The following SGCZ variants were observed in gnomAD, a reference collection of about 807,000 sequenced individuals.
SGCZ encodes zeta-sarcoglycan.
SGCZ carries 40 observed loss-of-function variants against 41.3 expected under a neutral mutation model. The observed-to-expected ratio is 0.97, with a 90% confidence interval of 0.75 to 1.26. The LOEUF is 1.26. SGCZ is among the 50% of genes most tolerant of loss of function. The pLI, the probability that SGCZ is intolerant of heterozygous loss-of-function variation, is 0.00. For synonymous variants in SGCZ, 206 were observed against 137.5 expected, an observed-to-expected ratio of 1.50 and a Z score of -3.49; for missense variants, 552 against 369.8, an observed-to-expected ratio of 1.49 and a Z score of -4.04.
chr8:14,134,727 G>T (rs1340942545), intron 5 of SGCZ, among the ~76,000 whole-genome samples: 4 of 152,106 alleles, frequency 2.6e-5, no homozygotes, highest in South Asian at 2.1e-4. Flanking sequence ...CTGCCGCAAA[G>T]ACTTCGTTTT....
At chr8:14,508,088 G>C (rs1187739825) in intron 2 of SGCZ, among the ~76,000 whole-genome samples, 1 of 151,918 alleles carries the variant, frequency 6.6e-6, no homozygotes, top group Non-Finnish European at 1.5e-5. Context: ...CTTTCTTCGT[G>C]AGATCTACCC....
At chr8:15,237,544 G>T in intron 1 of SGCZ, 41 bp downstream of exon 1, 2 of 1,576,198 alleles carry the variant, frequency 1.3e-6, no homozygotes, top group African/African-American at 1.3e-5. Context: ...AGCAGGGAGC[G>T]CCGAGAAGCG....
intron 1 of SGCZ, among the ~76,000 whole-genome samples, chr8:14,563,486 G>T (rs903955426): frequency 3.9e-5 from 6 of 152,060 alleles, no homozygotes. Flanking sequence ...CTATATTAAG[G>T]GTCTAAATAC....
At position 14,472,316 on chromosome 8, in the gene SGCZ, T is replaced by C. The variant is rs547269707; in HGVS notation, c.234+82416A>G. On this transcript the variant is annotated intron_variant, in intron 2 of 7. Coordinates refer to ENST00000382080, the MANE Select transcript of SGCZ (RefSeq NM_139167.4). ...GCTTATATTTTATTTAAGAAAGCTG[T>C]TTGTTCATGGTTTTAACTAGATTGA... Among the ~76,000 whole-genome samples, 59 of 152,240 alleles carry C rather than the reference T, an allele frequency of 3.9e-4. 1 individual carries two copies. Among genetic ancestry groups the C allele is most frequent in the African/African-American group, 1.3e-3 (56 of 41,584 alleles).
intron 1 of SGCZ, among the ~76,000 whole-genome samples, chr8:14,643,089 C>G (rs1018706813): frequency 2.0e-5 from 3 of 151,542 alleles, no homozygotes; most frequent in Non-Finnish European, 4.4e-5. Context: ...ATATTTTCTT[C>G]TCCTTCTACC....
intron 1 of SGCZ, among the ~76,000 whole-genome samples, chr8:14,807,791 G>A (rs535591690): frequency 2.0e-5 from 3 of 152,204 alleles, no homozygotes; most frequent in African/African-American, 4.8e-5. Context: ...TAAGCCAAAA[G>A]AACAAAGCTG....
chr8:14,446,211 T>C (rs565653499), intron 2 of SGCZ, among the ~76,000 whole-genome samples: 1 of 152,290 alleles, frequency 6.6e-6, no homozygotes, highest in South Asian at 2.1e-4. Context: ...GCCTGCTGTA[T>C]CCCTAAGACC....
At chr8:14,217,387 A>G (rs1227328529) in intron 4 of SGCZ, among the ~76,000 whole-genome samples, 1 of 151,900 alleles carries the variant, frequency 6.6e-6, no homozygotes, top group African/African-American at 2.4e-5. Context: ...GGTTAAATCT[A>G]AAGAAACGCC....
intron 1 of SGCZ, among the ~76,000 whole-genome samples, chr8:14,817,349 A>G (rs1801939056): frequency 6.6e-6 from 1 of 152,070 alleles, no homozygotes; most frequent in African/African-American, 2.4e-5. Flanking sequence ...AATACAAGCA[A>G]TCTTTACTAT....
intron 1 of SGCZ, among the ~76,000 whole-genome samples, chr8:14,691,878 G>C (rs74723412): frequency 6.6e-6 from 1 of 151,800 alleles, no homozygotes; most frequent in African/African-American, 2.4e-5. Flanking sequence ...TAACTGTTTT[G>C]TGAGAAAATA....
intron 1 of SGCZ, among the ~76,000 whole-genome samples, chr8:14,736,128 C>T (rs1799021202): frequency 6.6e-6 from 1 of 151,940 alleles, no homozygotes; most frequent in Admixed American, 6.6e-5. Context: ...AATATTTTTC[C>T]AAATCATGCT....
intron 1 of SGCZ, among the ~76,000 whole-genome samples, chr8:14,676,735 T>G (rs1396014362): frequency 6.6e-6 from 1 of 152,144 alleles, no homozygotes; most frequent in Non-Finnish European, 1.5e-5. Context: ...TATCAACAGA[T>G]GCAGAAAAGA....
chr8:14,997,319 A>C (rs1260477558), intron 1 of SGCZ, among the ~76,000 whole-genome samples: 1 of 152,206 alleles, frequency 6.6e-6, no homozygotes, highest in Non-Finnish European at 1.5e-5. Context: ...TTATTCTTGC[A>C]AAGGACTGAA....
At chr8:14,549,858 A>T (rs1026894416) in intron 2 of SGCZ, among the ~76,000 whole-genome samples, 5 of 152,128 alleles carry the variant, frequency 3.3e-5, no homozygotes, top group Non-Finnish European at 7.4e-5. Context: ...AGGTGATCAG[A>T]TTTGTAGCTT....
intron 3 of SGCZ, among the ~76,000 whole-genome samples, chr8:14,283,040 G>A (rs1585317243): frequency 6.6e-6 from 1 of 150,648 alleles, no homozygotes; most frequent in African/African-American, 2.4e-5. Flanking sequence ...TAGTAGAGAC[G>A]GGGTTTCACC....
intron 1 of SGCZ, among the ~76,000 whole-genome samples, chr8:14,744,247 C>A (rs1417245033): frequency 6.6e-6 from 1 of 152,166 alleles, no homozygotes; most frequent in Non-Finnish European, 1.5e-5. Flanking sequence ...GAGCTACGTG[C>A]ACTGCACAAT....
At chr8:14,335,151 A>G (rs908698727) in intron 2 of SGCZ, among the ~76,000 whole-genome samples, 2 of 152,136 alleles carry the variant, frequency 1.3e-5, no homozygotes, top group African/African-American at 4.8e-5. Context: ...CGAAGCTCCT[A>G]ATCTCCATGG....
chr8:14,553,705 G>A (rs1178742045), intron 2 of SGCZ, among the ~76,000 whole-genome samples: 1 of 151,990 alleles, frequency 6.6e-6, no homozygotes, highest in African/African-American at 2.4e-5. Flanking sequence ...GTGTTTCCGA[G>A]TTAGAATTAA....
intron 2 of SGCZ, among the ~76,000 whole-genome samples, chr8:14,368,099 AT>A (rs545967135): frequency 6.6e-5 from 10 of 151,854 alleles, no homozygotes; most frequent in East Asian, 1.9e-4. Context: ...CCAGTGTAAC[AT>A]TTTTTTTAAA....
Sources: gnomAD v4.1 joint callset for allele counts (sites outside exome capture counted in the v4.1 genomes callset) on GRCh38, gnomAD v4.1.1 for gene constraint, MANE v1.5 for transcripts, NCBI Gene and HGNC (gene_info 2026-07-23, HGNC 2026-07-21) for gene names.